The following KIF25 variants were observed in gnomAD, a reference collection of about 807,000 sequenced individuals.
KIF25 encodes kinesin family member 25.
Under a neutral mutation model 32.9 loss-of-function variants are expected in KIF25, and 19 were observed. That is an observed-to-expected ratio of 0.58 (90% CI 0.40 to 0.85). KIF25 has a LOEUF of 0.85. Among genes scored for constraint, KIF25 ranks in the 40% least tolerant of loss-of-function variants. The pLI is 0.00. For missense variants in KIF25, 485 were observed against 507.0 expected (o/e 0.96, Z 0.42); for synonymous variants, 225 against 213.7 (o/e 1.05, Z -0.46).
chr6:168,034,092 C>A, intron 8 of KIF25, 61 bp downstream of exon 8: 1 of 1,576,224 alleles, frequency 6.3e-7, no homozygotes, highest in Non-Finnish European at 8.7e-7. Flanking sequence ...GCGGTCAGCA[C>A]CTTGGTTATC....
intron 4 of KIF25, among the ~76,000 whole-genome samples, chr6:168,004,568 T>A (rs1363994455): frequency 2.6e-5 from 4 of 152,096 alleles, no homozygotes; most frequent in Non-Finnish European, 2.9e-5. Context: ...TTCTAGGTAA[T>A]AAACTCAACA....
chr6:168,029,807 C>A, intron 6 of KIF25, 130 bp downstream of exon 6: 2 of 1,206,528 alleles, frequency 1.7e-6, no homozygotes, highest in Non-Finnish European at 2.3e-6. Context: ...TAAAAAAGAT[C>A]TCAGCCCTGA....
At chr6:168,032,021 G>A (rs1798948864) in intron 7 of KIF25, among the ~76,000 whole-genome samples, 1 of 152,172 alleles carries the variant, frequency 6.6e-6, no homozygotes, top group Admixed American at 6.5e-5. Context: ...GGAATGTCTG[G>A]GTTAAGGTAA....
chr6:168,012,494 G>A (rs1164027557), intron 4 of KIF25, among the ~76,000 whole-genome samples: 1 of 152,204 alleles, frequency 6.6e-6, no homozygotes, highest in Non-Finnish European at 1.5e-5. Context: ...TTTTCCAAGG[G>A]TAGGCTCTCA....
At chr6:168,041,274 G>C (rs1324241820) in intron 10 of KIF25, among the ~76,000 whole-genome samples, 1 of 152,234 alleles carries the variant, frequency 6.6e-6, no homozygotes, top group Non-Finnish European at 1.5e-5. Flanking sequence ...AGGTGACGGG[G>C]AGGTGCTGAC....
chr6:168,029,742 T>C, intron 6 of KIF25, 65 bp downstream of exon 6: 2 of 1,536,494 alleles, frequency 1.3e-6, no homozygotes, highest in Admixed American at 2.1e-5. Flanking sequence ...CACATGGGGC[T>C]CACTTTTCTA....
At chr6:168,028,804 G>C (rs1317587100) in intron 5 of KIF25, among the ~76,000 whole-genome samples, 1 of 152,172 alleles carries the variant, frequency 6.6e-6, no homozygotes, top group Non-Finnish European at 1.5e-5. Context: ...TGAAGGATTA[G>C]AACATTTCTT....
intron 4 of KIF25, among the ~76,000 whole-genome samples, chr6:168,011,045 G>T (rs75662487): frequency 0.013 from 2,025 of 152,138 alleles, 54 homozygotes; most frequent in African/African-American, 0.046. Context: ...ATATAGTTGG[G>T]TCTTGTTCTT....
At chr6:168,018,744 G>C (rs151055092) in intron 5 of KIF25, among the ~76,000 whole-genome samples, 322 of 152,278 alleles carry the variant, frequency 2.1e-3, no homozygotes, top group African/African-American at 7.2e-3. Flanking sequence ...ACCAAGGGCT[G>C]GCTGAGTGGT....
intron 5 of KIF25, among the ~76,000 whole-genome samples, chr6:168,027,069 A>G (rs1798870150): frequency 6.6e-6 from 1 of 152,150 alleles, no homozygotes; most frequent in African/African-American, 2.4e-5. Context: ...GAAGCCACCA[A>G]CACAGCAGTG....
At chr6:168,005,330 T>C (rs2114867497) in intron 4 of KIF25, among the ~76,000 whole-genome samples, 1 of 152,280 alleles carries the variant, frequency 6.6e-6, no homozygotes, top group Non-Finnish European at 1.5e-5. Flanking sequence ...ATGTGGGGTC[T>C]ACCTGACACA....
At chr6:168,001,202 G>T (rs1798496419) in intron 2 of KIF25, among the ~76,000 whole-genome samples, 1 of 152,214 alleles carries the variant, frequency 6.6e-6, no homozygotes, top group South Asian at 2.1e-4. Flanking sequence ...TTCCGATGTT[G>T]AATTGTTTCA....
chr6:168,024,402 A>G (rs1798829822), intron 5 of KIF25, among the ~76,000 whole-genome samples: 1 of 145,158 alleles, frequency 6.9e-6, no homozygotes, highest in Admixed American at 6.8e-5. Flanking sequence ...GCAGGGGAAT[A>G]ATCTTAGTAA....
chr6:168,038,169 C>A (rs1234644656), intron 8 of KIF25, among the ~76,000 whole-genome samples: 3 of 152,216 alleles, frequency 2.0e-5, no homozygotes, highest in Admixed American at 2.0e-4. Flanking sequence ...TGGAGAAGTG[C>A]TAGAGTCCTG....
chr6:168,042,814 C>A, intron 12 of KIF25, 98 bp downstream of exon 12: 1 of 1,338,708 alleles, frequency 7.5e-7, no homozygotes, highest in Non-Finnish European at 1.0e-6. Flanking sequence ...GCCACCCATG[C>A]ACCCCCTGCA....
At chr6:168,016,114 A>G (rs3807059) in intron 4 of KIF25, among the ~76,000 whole-genome samples, 52,196 of 151,934 alleles carry the variant, frequency 0.34, 9,212 homozygotes, top group South Asian at 0.42. Flanking sequence ...AAAGGAGCAA[A>G]GGGCCTAGGC....
In KIF25 at chr6:168,008,780, T is replaced by C. The variant is rs1279435884; in HGVS notation, c.-163+5077T>C. On this transcript the variant is annotated intron_variant, in intron 4 of 12. Transcript: ENST00000643607. Reference sequence around the variant, plus strand: ...TGTTTTCTAATTACCCTTTTAGAGGTTTCTCACCTCCTTGGTTAAATTTAT... The same window carrying C: ...TGTTTTCTAATTACCCTTTTAGAGGCTTCTCACCTCCTTGGTTAAATTTAT... 2.6e-5 allele frequency among the ~76,000 whole-genome samples: 4 copies of C among 152,124 alleles called. No individual in the cohort carries two copies. The South Asian group carries it at 6.2e-4, about 24-fold the overall frequency.
intron 9 of KIF25, 147 bp downstream of exon 9, chr6:168,038,876 G>GACAAGGAGCACTGAT: frequency 1.4e-6 from 1 of 712,700 alleles, no homozygotes; most frequent in Non-Finnish European, 2.3e-6. Context: ...CCCGATCAGT[G>GACAAGGAGCACTGAT]CTCCTTGTCA....
chr6:168,038,623 A>G lies in KIF25; in HGVS notation c.388A>G (p.Ile130Val). Residue 130 changes from isoleucine (I) to valine (V), a missense_variant, in exon 9 of 13, where the codon ATT (isoleucine) becomes GTT (valine). Physicochemically the swap from Ile to Val is conservative, Grantham distance 29 (BLOSUM62 3). Around this residue, in one of 2 missense-constraint regions of KIF25, gnomAD observed 480 missense variants for 470.3 expected, o/e 1.02. Coordinates refer to ENST00000643607, the MANE Select transcript of KIF25 (RefSeq NM_030615.4). ...VSIVEVYNND[I>V]FDLLAKDSIA... ...CATAGTGGAAGTTTACAATAATGAC[A>G]TTTTTGACCTTCTGGCCAAAGACAG... 1 of 1,614,120 alleles carries G rather than the reference A, an allele frequency of 6.2e-7. No homozygotes were observed. The highest frequency in any genetic ancestry group is 2.2e-5 in the East Asian group (1 of 44,880).
Sources: gnomAD v4.1 joint callset for allele counts (sites outside exome capture counted in the v4.1 genomes callset) on GRCh38, gnomAD v4.1.1 for gene constraint, gnomAD v4.1.1 regional missense constraint, MANE v1.5 for transcripts, NCBI Gene and HGNC (gene_info 2026-07-23, HGNC 2026-07-21) for gene names.